Variants in PRKG1 observed in about 807,000 individuals in gnomAD.
The protein encoded by PRKG1 is cGMP-dependent protein kinase 1.
A neutral mutation model predicts 88.1 loss-of-function variants in PRKG1; 35 were observed. That is an observed-to-expected ratio of 0.40 (90% CI 0.30 to 0.53). The LOEUF is 0.53. Among genes scored for constraint, PRKG1 ranks in the 20% least tolerant of loss-of-function variants. The probability of loss-of-function intolerance (pLI) is 0.59; values close to 1 mark genes in which losing one functional copy is unlikely to be tolerated. For synonymous variants in PRKG1, 303 were observed against 292.5 expected, an observed-to-expected ratio of 1.04 and a Z score of -0.37; for missense variants, 540 against 839.8, an observed-to-expected ratio of 0.64 and a Z score of 4.41.
chr10:52,209,934 T>C (rs765714049), intron 9 of PRKG1, among the ~76,000 whole-genome samples: 1 of 152,172 alleles, frequency 6.6e-6, no homozygotes, highest in Non-Finnish European at 1.5e-5. Context: ...TGAGTAACCA[T>C]TTGCAAATCA....
At chr10:51,773,684 A>G (rs1229547281) in intron 3 of PRKG1, among the ~76,000 whole-genome samples, 2 of 152,250 alleles carry the variant, frequency 1.3e-5, no homozygotes, top group East Asian at 3.9e-4. Flanking sequence ...GCTAGTGTAC[A>G]TATACACAAA....
rs572893921 is a variant in PRKG1, at chr10:51,755,660, C to A, written c.593-48925C>A. On this transcript the variant is annotated intron_variant, in intron 3 of 17. Transcript: ENST00000373980. Reference sequence around the variant, plus strand: ...TGTGGTTAAATGGAATCTAATCAAGCTTTTAAGTTACTATTCAATTATTTA... The same window carrying A: ...TGTGGTTAAATGGAATCTAATCAAGATTTTAAGTTACTATTCAATTATTTA... Among the ~76,000 whole-genome samples the A allele has an allele frequency of 2.6e-4, 40 of 152,312 alleles. No homozygotes were observed. In the South Asian group the frequency reaches 7.0e-3, roughly 27 times the overall value.
At chr10:51,618,822 G>A (rs1470561109) in intron 3 of PRKG1, among the ~76,000 whole-genome samples, 2 of 151,988 alleles carry the variant, frequency 1.3e-5, no homozygotes, top group African/African-American at 4.8e-5. Context: ...AGGCTGGAGT[G>A]TAGTGGCACA....
At chr10:52,175,610 C>A (rs149082235) in intron 9 of PRKG1, among the ~76,000 whole-genome samples, 1 of 151,990 alleles carries the variant, frequency 6.6e-6, no homozygotes, top group South Asian at 2.1e-4. Flanking sequence ...ACATTCCCAC[C>A]GACGGTATAC....
chr10:52,189,232 G>A (rs1008006188), intron 9 of PRKG1, among the ~76,000 whole-genome samples: 1 of 152,180 alleles, frequency 6.6e-6, no homozygotes, highest in Non-Finnish European at 1.5e-5. Context: ...ATTATAAGAT[G>A]TGTTGCTGAT....
chr10:51,815,791 C>A (rs1839569308), intron 4 of PRKG1, among the ~76,000 whole-genome samples: 1 of 152,104 alleles, frequency 6.6e-6, no homozygotes, highest in Admixed American at 6.6e-5. Context: ...GGCTGTTGGG[C>A]AGCATGGGTG....
chr10:51,843,093 C>CTTTTTTTTTTTTT (rs1167219822), intron 4 of PRKG1, among the ~76,000 whole-genome samples: 94 of 87,886 alleles, frequency 1.1e-3, no homozygotes, highest in Non-Finnish European at 1.6e-3. Context: ...GAAAATTATT[C>CTTTTTTTTTTTTT]TTTTTTTTTT....
chr10:51,074,469 C>T (rs1843892763), upstream of PRKG1: 4 of 1,469,878 alleles, frequency 2.7e-6, no homozygotes, highest in African/African-American at 1.4e-5. Context: ...GCTTTGGTCT[C>T]AAGTAGGAAG....
At chr10:51,926,816 C>T (rs1165371888) in intron 5 of PRKG1, among the ~76,000 whole-genome samples, 3 of 147,482 alleles carry the variant, frequency 2.0e-5, no homozygotes, top group African/African-American at 5.1e-5. Flanking sequence ...AGAAGTTTTG[C>T]TTGCTTCCAA....
intron 2 of PRKG1, among the ~76,000 whole-genome samples, chr10:51,201,851 G>A (rs1837920654): frequency 6.6e-6 from 1 of 152,220 alleles, no homozygotes; most frequent in South Asian, 2.1e-4. Context: ...ATAAATGTCT[G>A]TTGTGTATAA....
intron 1 of PRKG1, among the ~76,000 whole-genome samples, chr10:51,148,823 C>T (rs916578940): frequency 1.1e-4 from 17 of 152,168 alleles, no homozygotes; most frequent in Admixed American, 9.2e-4. Flanking sequence ...AACAGAAAAC[C>T]TCCACAAATT....
At chr10:51,186,694 C>G (rs1047987509) in intron 2 of PRKG1, among the ~76,000 whole-genome samples, 1 of 151,704 alleles carries the variant, frequency 6.6e-6, no homozygotes, top group South Asian at 2.1e-4. Flanking sequence ...CATGTACATC[C>G]CCACTACTTC....
At chr10:51,735,871 A>ATGTT (rs1396092458) in intron 3 of PRKG1, among the ~76,000 whole-genome samples, 30 of 118,560 alleles carry the variant, frequency 2.5e-4, no homozygotes, top group South Asian at 1.4e-3. Context: ...ATATATATAT[A>ATGTT]TATATATATG....
At chr10:51,961,186 T>TG (rs961476216) in intron 5 of PRKG1, among the ~76,000 whole-genome samples, 18 of 152,266 alleles carry the variant, frequency 1.2e-4, no homozygotes, top group African/African-American at 4.3e-4. Context: ...CTTGATATTG[T>TG]GGGGGGAGGA....
intron 3 of PRKG1, among the ~76,000 whole-genome samples, chr10:51,743,535 G>A (rs1837489336): frequency 6.6e-6 from 1 of 150,494 alleles, no homozygotes; most frequent in East Asian, 1.9e-4. Context: ...GCCCAAGGTG[G>A]GATATATTTG....
chr10:51,698,448 A>G, intron 3 of PRKG1: 2 of 1,614,074 alleles, frequency 1.2e-6, no homozygotes, highest in Admixed American at 1.7e-5. Context: ...TCATGACCAG[A>G]GGCATGATGC....
chr10:51,334,695 A>G (rs1191031321), intron 2 of PRKG1, among the ~76,000 whole-genome samples: 1 of 152,092 alleles, frequency 6.6e-6, no homozygotes, highest in Non-Finnish European at 1.5e-5. Context: ...ACTCCCACCC[A>G]TTTCTGAAAT....
At chr10:51,237,813 C>G (rs920724744) in intron 2 of PRKG1, among the ~76,000 whole-genome samples, 1 of 152,072 alleles carries the variant, frequency 6.6e-6, no homozygotes, top group Admixed American at 6.6e-5. Flanking sequence ...CACTGATATC[C>G]TTCTCTTGAC....
chr10:51,754,624 G>A (rs1433200070), intron 3 of PRKG1, among the ~76,000 whole-genome samples: 3 of 152,162 alleles, frequency 2.0e-5, no homozygotes, highest in African/African-American at 7.2e-5. Context: ...CATAATCTAT[G>A]AGCAGCTGAG....
Sources: gnomAD v4.1 joint callset for allele counts (sites outside exome capture counted in the v4.1 genomes callset) on GRCh38, gnomAD v4.1.1 for gene constraint, MANE v1.5 for transcripts, NCBI Gene and HGNC (gene_info 2026-07-23, HGNC 2026-07-21) for gene names.